SAMD5: variants seen among roughly 807,000 people sequenced by gnomAD.
The protein encoded by SAMD5 is sterile alpha motif domain-containing protein 5.
Under a neutral mutation model 11.3 loss-of-function variants are expected in SAMD5, and 13 were observed. That is an observed-to-expected ratio of 1.15 (90% CI 0.75 to 1.83). The LOEUF is 1.83. Among genes scored for constraint, SAMD5 ranks in the 40% most tolerant of loss-of-function variants. The pLI, the probability that SAMD5 is intolerant of heterozygous loss-of-function variation, is 0.00. For missense variants in SAMD5, 255 were observed against 239.1 expected, an observed-to-expected ratio of 1.07 and a Z score of -0.44; for synonymous variants, 129 against 111.3, an observed-to-expected ratio of 1.16 and a Z score of -1.00.
At chr6:147,739,331 C>T (rs1317775083), downstream of SAMD5, among the ~76,000 whole-genome samples, 1 of 152,212 alleles carries the variant, frequency 6.6e-6, no homozygotes, top group Admixed American at 6.5e-5. Flanking sequence ...CACAGTGGCT[C>T]ACACCTGTAA....
intron 1 of SAMD5, chr6:147,660,795 A>G (rs1282780776): frequency 6.6e-6 from 1 of 152,162 alleles, no homozygotes; most frequent in Non-Finnish European, 1.5e-5. Flanking sequence ...CTCCGTAGCC[A>G]TGCTTCCCGT....
chr6:147,633,229 T>A (rs530356049), intron 1 of SAMD5, among the ~76,000 whole-genome samples: 1 of 152,270 alleles, frequency 6.6e-6, no homozygotes, highest in Non-Finnish European at 1.5e-5. Flanking sequence ...AGATCTTTTG[T>A]CTTTAAACTG....
chr6:147,758,391 T>C, the SAMD5 span, among the ~76,000 whole-genome samples: 1 of 152,212 alleles, frequency 6.6e-6, no homozygotes, highest in Non-Finnish European at 1.5e-5. Context: ...CATGTGGTCA[T>C]AAATCATAAT....
rs1788104932 is a variant in SAMD5, at chr6:147,512,457, T to TGTAGGATTTGA, written c.459+3070_459+3071insGTAGGATTTGA. ...ACAGAGGAAAGTAAGTTGAGGGGTC[T>TGTAGGATTTGA]TCCCAAGAATCACCTGAAAGGATTG... On this transcript the variant is annotated intron_variant, in intron 1 of 1. Transcript: ENST00000367474. Among the ~76,000 whole-genome samples the TGTAGGATTTGA allele has an allele frequency of 1.3e-5, 2 of 152,216 alleles. 1 individual carries two copies. Among genetic ancestry groups the TGTAGGATTTGA allele is most frequent in the South Asian group, 4.1e-4 (2 of 4,830 alleles).
chr6:147,875,830 T>C, the SAMD5 span, among the ~76,000 whole-genome samples: 43,531 of 151,888 alleles, frequency 0.29, 6,322 homozygotes, highest in Non-Finnish European at 0.32. Flanking sequence ...GATGGGACCA[T>C]CTAGTTTCAG....
At chr6:147,707,630 A>G (rs1449559059) in intron 1 of SAMD5, among the ~76,000 whole-genome samples, 1 of 152,200 alleles carries the variant, frequency 6.6e-6, no homozygotes, top group Non-Finnish European at 1.5e-5. Context: ...TTCAGAGTTT[A>G]GCATCTGTCC....
intron 1 of SAMD5, among the ~76,000 whole-genome samples, chr6:147,526,045 A>G (rs190243680): frequency 3.3e-5 from 5 of 151,954 alleles, no homozygotes; most frequent in African/African-American, 9.7e-5. Flanking sequence ...CTACAACCAC[A>G]CTCTTCAAAT....
chr6:147,591,083 G>GA (rs1382708711), intron 1 of SAMD5, among the ~76,000 whole-genome samples: 1 of 151,616 alleles, frequency 6.6e-6, no homozygotes, highest in Non-Finnish European at 1.5e-5. Context: ...ACAATAGACA[G>GA]AAAAAATTAC....
chr6:147,894,696 A>T, the SAMD5 span, among the ~76,000 whole-genome samples: 1 of 152,214 alleles, frequency 6.6e-6, no homozygotes, highest in Non-Finnish European at 1.5e-5. Flanking sequence ...ACTCATGAAG[A>T]CAGTTTTTCT....
intron 1 of SAMD5, among the ~76,000 whole-genome samples, chr6:147,591,964 G>A (rs1344343821): frequency 1.3e-5 from 2 of 152,052 alleles, no homozygotes; most frequent in Non-Finnish European, 2.9e-5. Context: ...AGCCTGGTGG[G>A]TAAGATAGCC....
chr6:147,736,279 T>C (rs1003901718), intron 1 of SAMD5, among the ~76,000 whole-genome samples: 1 of 152,162 alleles, frequency 6.6e-6, no homozygotes, highest in Admixed American at 6.5e-5. Context: ...ATAGTATGTG[T>C]TATGTGTGAA....
At chr6:147,919,893 T>C in the SAMD5 span, among the ~76,000 whole-genome samples, 1 of 152,356 alleles carries the variant, frequency 6.6e-6, no homozygotes, top group Admixed American at 6.5e-5. Flanking sequence ...GTGAACGTCA[T>C]AAAGACACTG....
intron 1 of SAMD5, among the ~76,000 whole-genome samples, chr6:147,562,683 T>G (rs915346125): frequency 5.9e-5 from 9 of 151,708 alleles, no homozygotes; most frequent in Admixed American, 1.3e-4. Flanking sequence ...TTAGCCGGGC[T>G]TGGTGGCGGG....
At chr6:147,878,995 G>A in the SAMD5 span, among the ~76,000 whole-genome samples, 1 of 152,026 alleles carries the variant, frequency 6.6e-6, no homozygotes, top group Non-Finnish European at 1.5e-5. Flanking sequence ...TGAGCATTTG[G>A]CTCACAAAAA....
At chr6:147,801,666 A>G in the SAMD5 span, among the ~76,000 whole-genome samples, 4 of 152,160 alleles carry the variant, frequency 2.6e-5, no homozygotes, top group African/African-American at 7.2e-5. Context: ...AAAACTCCAC[A>G]TTCACTCTGG....
chr6:147,547,791 G>A (rs1289443462), intron 1 of SAMD5, among the ~76,000 whole-genome samples: 1 of 152,184 alleles, frequency 6.6e-6, no homozygotes, highest in Non-Finnish European at 1.5e-5. Flanking sequence ...TTAGAAATCC[G>A]TTGACTGCGT....
At chr6:147,833,891 G>T in the SAMD5 span, among the ~76,000 whole-genome samples, 3 of 152,104 alleles carry the variant, frequency 2.0e-5, no homozygotes, top group Non-Finnish European at 4.4e-5. Flanking sequence ...TGACATATTG[G>T]TCCTCTGTCT....
At chr6:147,767,474 T>C in the SAMD5 span, among the ~76,000 whole-genome samples, 34 of 149,942 alleles carry the variant, frequency 2.3e-4, no homozygotes, top group African/African-American at 8.1e-4. Flanking sequence ...TCCCCGAAAC[T>C]CTTATGTTGA....
chr6:147,798,873 A>G, the SAMD5 span, among the ~76,000 whole-genome samples: 132 of 152,206 alleles, frequency 8.7e-4, no homozygotes, highest in African/African-American at 2.8e-3. Context: ...CTGTTTTATC[A>G]GAGACTAGGA....
Sources: gnomAD v4.1 joint callset for allele counts (sites outside exome capture counted in the v4.1 genomes callset) on GRCh38, gnomAD v4.1.1 for gene constraint, MANE v1.5 for transcripts, NCBI Gene and HGNC (gene_info 2026-07-23, HGNC 2026-07-21) for gene names.